NRCAM: variants seen among roughly 807,000 people sequenced by gnomAD.
The protein encoded by NRCAM is neuronal cell adhesion molecule.
Under a neutral mutation model 156.5 loss-of-function variants are expected in NRCAM, and 83 were observed. The observed-to-expected ratio is 0.53, with a 90% CI of 0.44 to 0.64. The LOEUF (loss-of-function observed/expected upper bound fraction) is 0.64. Ranked by LOEUF, NRCAM falls within the 30% of genes least tolerant of loss-of-function variation. The pLI is 0.00. For synonymous variants in NRCAM, 538 were observed against 563.9 expected, an observed-to-expected ratio of 0.95 and a Z score of 0.65; for missense variants, 1,417 against 1,597.3, an observed-to-expected ratio of 0.89 and a Z score of 1.92.
intron 3 of NRCAM, among the ~76,000 whole-genome samples, chr7:108,255,535 G>T (rs1308669374): frequency 2.0e-5 from 3 of 152,002 alleles, no homozygotes; most frequent in Non-Finnish European, 2.9e-5. Context: ...CCTCCCAGCA[G>T]CCTGCCTTGG....
chr7:108,416,625 C>G (rs755724808), intron 1 of NRCAM, among the ~76,000 whole-genome samples: 39 of 152,046 alleles, frequency 2.6e-4, no homozygotes, highest in Non-Finnish European at 4.9e-4. Flanking sequence ...AGACTAATAC[C>G]CCCAAGGAAA....
chr7:108,403,844 A>G (rs1367791922), intron 1 of NRCAM, among the ~76,000 whole-genome samples: 2 of 152,202 alleles, frequency 1.3e-5, no homozygotes, highest in Non-Finnish European at 2.9e-5. Flanking sequence ...CTGTCATTTT[A>G]GGTCATCGGT....
At chr7:108,384,691 C>G (rs1175220158) in intron 2 of NRCAM, among the ~76,000 whole-genome samples, 8 of 152,218 alleles carry the variant, frequency 5.3e-5, no homozygotes, top group African/African-American at 1.9e-4. Context: ...AACACATGCT[C>G]TGATTCAGCA....
intron 2 of NRCAM, among the ~76,000 whole-genome samples, chr7:108,351,611 T>C (rs962135357): frequency 6.6e-6 from 1 of 152,226 alleles, no homozygotes; most frequent in Non-Finnish European, 1.5e-5. Flanking sequence ...TATTTCACTG[T>C]CTTTTTGACA....
chr7:108,448,871 T>C (rs966779783), intron 1 of NRCAM, among the ~76,000 whole-genome samples: 6 of 152,202 alleles, frequency 3.9e-5, no homozygotes, highest in East Asian at 1.9e-4. Context: ...ATGTATCTTG[T>C]TGCACATCAA....
intron 15 of NRCAM, among the ~76,000 whole-genome samples, chr7:108,195,401 A>G (rs949033363): frequency 6.6e-6 from 1 of 152,088 alleles, no homozygotes; most frequent in African/African-American, 2.4e-5. Flanking sequence ...AGGCGGGCGG[A>G]TAATCTGAGG....
intron 3 of NRCAM, among the ~76,000 whole-genome samples, chr7:108,266,231 C>T (rs1158901815): frequency 9.9e-5 from 15 of 152,186 alleles, no homozygotes; most frequent in Admixed American, 9.8e-4. Context: ...TGTGCTGGCA[C>T]TTCTATTCAG....
intron 6 of NRCAM, among the ~76,000 whole-genome samples, 178 bp from the exon 7 acceptor site, chr7:108,232,700 G>A (rs1411838343): frequency 6.6e-6 from 1 of 152,038 alleles, no homozygotes; most frequent in Non-Finnish European, 1.5e-5. Flanking sequence ...GGGAAAAAAG[G>A]GCAGGCTATA....
Position 108,191,292 on chromosome 7 carries a change from G to T in NRCAM, c.1904-9C>A. On this transcript the variant is annotated splice_polypyrimidine_tract_variant and intron_variant, in intron 18 of 32. Transcript: ENST00000379028. Reference sequence around the variant, plus strand: ...TGGAGTTGGAGTAGGAGCTAGAAAGGACATTAATATAAAGGATTTTAATCA... The same window carrying T: ...TGGAGTTGGAGTAGGAGCTAGAAAGTACATTAATATAAAGGATTTTAATCA... 3 of 1,593,034 alleles carry T rather than the reference G, an allele frequency of 1.9e-6. No homozygotes were observed. The highest frequency in any genetic ancestry group is 1.1e-5 in the South Asian group (1 of 87,738).
intron 1 of NRCAM, among the ~76,000 whole-genome samples, chr7:108,443,977 T>TAG (rs371216326): frequency 1.7e-3 from 257 of 150,696 alleles, no homozygotes; most frequent in Non-Finnish European, 2.6e-3. Context: ...GATGATGAGA[T>TAG]AGAGAGAGAG....
intron 2 of NRCAM, among the ~76,000 whole-genome samples, chr7:108,329,952 A>G (rs912597673): frequency 6.6e-6 from 1 of 152,198 alleles, no homozygotes; most frequent in East Asian, 1.9e-4. Flanking sequence ...GAAAGCCTTT[A>G]AACTTATTTC....
intron 1 of NRCAM, among the ~76,000 whole-genome samples, chr7:108,433,165 T>C (rs1827838331): frequency 6.6e-6 from 1 of 152,106 alleles, no homozygotes; most frequent in Non-Finnish European, 1.5e-5. Flanking sequence ...GAATCCCAGC[T>C]TGAAGGTCCA....
intron 3 of NRCAM, among the ~76,000 whole-genome samples, chr7:108,292,289 T>TC (rs1166268493): frequency 2.0e-5 from 3 of 152,194 alleles, no homozygotes; most frequent in Non-Finnish European, 2.9e-5. Context: ...AAATAATATG[T>TC]CCAAGTTTCT....
rs140138121 is a variant in NRCAM, at chr7:108,286,724, T to C, written c.-107+25941A>G. Among the ~76,000 whole-genome samples the C allele has an allele frequency of 2.0e-3, 303 of 152,296 alleles. 3 individuals are homozygous for C. The East Asian group carries it at 0.029, about 14-fold the overall frequency. On this transcript the variant is annotated intron_variant, in intron 3 of 32. Transcript: ENST00000379028. ...ACGATCAGGCACGCTCAGGGTGGTA[T>C]GGCTGTAGATAGAAGAACCATAATT...
rs141247968 is a variant in NRCAM at position 108,159,723 on chromosome 7, C to T, written c.3599-182G>A. Among the ~76,000 whole-genome samples the T allele has an allele frequency of 3.3e-5, 5 of 152,132 alleles. No individual in the cohort carries two copies. The East Asian group carries it at 9.6e-4, about 29-fold the overall frequency. On this transcript the variant is annotated intron_variant, in intron 31 of 32. Transcript: ENST00000379028. ...GGTATTTTAGTTATTTTTGAGGCAACCCAATAGAATGTACATTTTTTAACA... is the reference window on the plus strand; with the variant it reads ...GGTATTTTAGTTATTTTTGAGGCAATCCAATAGAATGTACATTTTTTAACA...
At chr7:108,258,487 T>C (rs983233094) in intron 3 of NRCAM, among the ~76,000 whole-genome samples, 2 of 152,190 alleles carry the variant, frequency 1.3e-5, no homozygotes, top group African/African-American at 4.8e-5. Context: ...AGAACAGTTT[T>C]GCCTATAAGG....
intron 2 of NRCAM, among the ~76,000 whole-genome samples, chr7:108,313,681 T>C (rs928693640): frequency 2.0e-5 from 3 of 152,206 alleles, no homozygotes; most frequent in South Asian, 4.1e-4. Context: ...CCACCCTTAA[T>C]AGATTTTCAT....
chr7:108,455,925 G>T (rs1856820493), intron 1 of NRCAM, among the ~76,000 whole-genome samples: 1 of 152,222 alleles, frequency 6.6e-6, no homozygotes. Context: ...TGGGGTGCGG[G>T]CGCGGAGCAG....
intron 3 of NRCAM, among the ~76,000 whole-genome samples, chr7:108,292,587 C>T (rs1176157299): frequency 6.6e-6 from 1 of 152,152 alleles, no homozygotes; most frequent in Admixed American, 6.6e-5. Context: ...GGCAATGCTT[C>T]CTAGTGGTCA....
Sources: gnomAD v4.1 joint callset for allele counts (sites outside exome capture counted in the v4.1 genomes callset) on GRCh38, gnomAD v4.1.1 for gene constraint, MANE v1.5 for transcripts, NCBI Gene and HGNC (gene_info 2026-07-23, HGNC 2026-07-21) for gene names.